TTC7B: variants seen among roughly 807,000 people sequenced by gnomAD.
The protein encoded by TTC7B is tetratricopeptide repeat domain 7B, also known as tetratricopeptide repeat protein 7B.
Under a neutral mutation model 106.8 loss-of-function variants are expected in TTC7B, and 28 were observed. The observed-to-expected ratio is 0.26, with a 90% CI of 0.19 to 0.36. TTC7B has a LOEUF of 0.36. Among genes scored for constraint, TTC7B ranks in the 10% least tolerant of loss-of-function variants. TTC7B has a pLI of 1.00. For synonymous variants in TTC7B, 405 were observed against 430.6 expected (o/e 0.94, Z 0.74); for missense variants, 862 against 1,076.4 (o/e 0.80, Z 2.79).
chr14:90,543,786 C>T (rs899908891), intron 19 of TTC7B, among the ~76,000 whole-genome samples: 1 of 152,260 alleles, frequency 6.6e-6, no homozygotes, highest in Non-Finnish European at 1.5e-5. Context: ...CCCAATAAAG[C>T]CTTGCCCTCG....
At chr14:90,747,579 T>G (rs1027845032) in intron 3 of TTC7B, among the ~76,000 whole-genome samples, 2 of 152,196 alleles carry the variant, frequency 1.3e-5, no homozygotes, top group African/African-American at 4.8e-5. Context: ...ATGTTACATT[T>G]GAAAAGAATG....
chr14:90,799,216 G>A (rs982563773), intron 1 of TTC7B, among the ~76,000 whole-genome samples: 3 of 152,238 alleles, frequency 2.0e-5, no homozygotes, highest in Middle Eastern at 3.4e-3. Flanking sequence ...CCCTTCTCCT[G>A]CCAATATCCC....
At chr14:90,763,947 T>C (rs1890589524) in intron 3 of TTC7B, among the ~76,000 whole-genome samples, 1 of 152,178 alleles carries the variant, frequency 6.6e-6, no homozygotes, top group South Asian at 2.1e-4. Flanking sequence ...CTACCAAGAA[T>C]TATTTCTTAC....
chr14:90,590,349 G>C (rs1033085390), intron 18 of TTC7B, among the ~76,000 whole-genome samples: 1 of 152,100 alleles, frequency 6.6e-6, no homozygotes, highest in Non-Finnish European at 1.5e-5. Flanking sequence ...GGAAATCCAA[G>C]GTCATCTCCG....
At chr14:90,573,909 T>C (rs1891153124) in intron 19 of TTC7B, among the ~76,000 whole-genome samples, 1 of 152,226 alleles carries the variant, frequency 6.6e-6, no homozygotes, top group Non-Finnish European at 1.5e-5. Flanking sequence ...CCTTCTTGGC[T>C]CCCTTCCATG....
At chr14:90,619,256 A>G (rs1265226039) in intron 15 of TTC7B, among the ~76,000 whole-genome samples, 2 of 152,344 alleles carry the variant, frequency 1.3e-5, no homozygotes, top group Middle Eastern at 3.4e-3. Flanking sequence ...GTCTGTAATA[A>G]TAAGTCAAAA....
chr14:90,694,563 A>G (rs563773097), intron 6 of TTC7B, among the ~76,000 whole-genome samples: 1 of 124,580 alleles, frequency 8.0e-6, no homozygotes, highest in Non-Finnish European at 1.8e-5. Context: ...TCACAAGCCC[A>G]GTGACATATA....
intron 17 of TTC7B, among the ~76,000 whole-genome samples, chr14:90,594,584 T>G (rs1456386631): frequency 2.0e-5 from 3 of 152,206 alleles, no homozygotes; most frequent in Non-Finnish European, 4.4e-5. Context: ...TCTATTCACC[T>G]GCATCATTCT....
At position 90,644,155 on chromosome 14, in the gene TTC7B, A is replaced by C. The variant is rs762577891; in HGVS notation, c.1644T>G (p.Asp548Glu). 3 of 1,613,750 alleles carry C rather than the reference A, an allele frequency of 1.9e-6. No homozygotes were observed. In the South Asian group the frequency reaches 3.3e-5, roughly 18 times the overall value. Residue 548 changes from aspartate (D) to glutamate (E), a missense_variant, in exon 15 of 20, where the codon GAT (aspartate) becomes GAG (glutamate). Asp to Glu is a conservative substitution (Grantham distance 45). Coordinates refer to ENST00000328459, the MANE Select transcript of TTC7B (RefSeq NM_001010854.2). ...VRQALQLQGDDANSLHLLALL... is the reference protein window; with the variant it reads ...VRQALQLQGDEANSLHLLALL... ...GGGCAAGGAGGTGCAGGGAGTTGGC[A>C]TCGTCACCTTGAAGCTGAAGAGCTT...
At chr14:90,655,859 T>C (rs570933836) in intron 11 of TTC7B, among the ~76,000 whole-genome samples, 283 of 152,294 alleles carry the variant, frequency 1.9e-3, no homozygotes, top group Non-Finnish European at 3.1e-3. Flanking sequence ...TTTGTTACTC[T>C]TATTTTTTTT....
chr14:90,804,555 C>A (rs1238403060), intron 1 of TTC7B, among the ~76,000 whole-genome samples: 1 of 152,156 alleles, frequency 6.6e-6, no homozygotes, highest in Non-Finnish European at 1.5e-5. Flanking sequence ...GGAGGCTCAG[C>A]ACGGTTGTGA....
chr14:90,758,397 T>TGGGGC (rs1890383226), intron 3 of TTC7B, among the ~76,000 whole-genome samples: 1 of 52,862 alleles, frequency 1.9e-5, no homozygotes, highest in Non-Finnish European at 3.6e-5. Flanking sequence ...GGCAAGAGAG[T>TGGGGC]GGGGCGGGGC....
At chr14:90,567,924 C>T (rs1890866393) in intron 19 of TTC7B, among the ~76,000 whole-genome samples, 1 of 152,234 alleles carries the variant, frequency 6.6e-6, no homozygotes, top group African/African-American at 2.4e-5. Context: ...TCTCCCTAGA[C>T]CTTTGGGCTC....
intron 7 of TTC7B, among the ~76,000 whole-genome samples, chr14:90,688,661 A>T (rs1887346480): frequency 7.4e-6 from 1 of 135,044 alleles, no homozygotes. Flanking sequence ...AAAAAAAATT[A>T]GCTAGGTGTG....
intron 3 of TTC7B, among the ~76,000 whole-genome samples, chr14:90,777,289 G>T (rs1225824440): frequency 6.6e-6 from 1 of 151,994 alleles, no homozygotes; most frequent in Non-Finnish European, 1.5e-5. Context: ...GGGATAAAGG[G>T]CATCACACCT....
intron 4 of TTC7B, among the ~76,000 whole-genome samples, chr14:90,732,801 T>A (rs1490055643): frequency 6.6e-6 from 1 of 152,112 alleles, no homozygotes; most frequent in Non-Finnish European, 1.5e-5. Context: ...TTTTTCATAA[T>A]CCAATCTGGA....
chr14:90,788,885 C>A (rs1207335543), intron 1 of TTC7B, among the ~76,000 whole-genome samples: 1 of 151,782 alleles, frequency 6.6e-6, no homozygotes, highest in African/African-American at 2.4e-5. Flanking sequence ...ATCGCTTGAA[C>A]CCAGGAGGCA....
chr14:90,744,777 G>A lies in TTC7B; in HGVS notation c.576+15C>T, dbSNP rs76723365. On this transcript the variant is annotated intron_variant, in intron 4 of 19. Transcript: ENST00000328459. ...GGAAAAAGTTATCAGGAACAAACAC[G>A]TGGTCCTCACTTACCCTTTCTATCT... 0.05 allele frequency: 80,654 copies of A among 1,607,482 alleles called. 2,195 individuals are homozygous for A. Among genetic ancestry groups the A allele is most frequent in the Non-Finnish European group, 0.056 (66,005 of 1,177,950 alleles).
At chr14:90,801,431 G>A (rs769490750) in intron 1 of TTC7B, among the ~76,000 whole-genome samples, 4 of 152,070 alleles carry the variant, frequency 2.6e-5, no homozygotes, top group Non-Finnish European at 5.9e-5. Context: ...TGGCAAATGA[G>A]CGATAATTTG....
Sources: allele counts gnomAD v4.1 joint callset (sites outside exome capture counted in the v4.1 genomes callset), GRCh38; gene constraint gnomAD v4.1.1; transcripts MANE v1.5; gene names NCBI Gene and HGNC (gene_info 2026-07-23, HGNC 2026-07-21).